Variants in ACOXL observed in about 807,000 individuals in gnomAD.
The protein encoded by ACOXL is acyl-CoA oxidase like, also known as acyl-coenzyme A oxidase-like protein.
ACOXL carries 70 observed loss-of-function variants against 71.9 expected under a neutral mutation model. That is an observed-to-expected ratio of 0.97 (90% CI 0.80 to 1.19). The LOEUF (loss-of-function observed/expected upper bound fraction) is 1.19. ACOXL is among the 50% of genes most tolerant of loss of function. The pLI, the probability that ACOXL is intolerant of heterozygous loss-of-function variation, is 0.00. For missense variants in ACOXL, 703 were observed against 736.3 expected, an observed-to-expected ratio of 0.95 and a Z score of 0.52; for synonymous variants, 253 against 281.6, an observed-to-expected ratio of 0.90 and a Z score of 1.02.
intron 14 of ACOXL, among the ~76,000 whole-genome samples, chr2:111,011,651 G>A (rs988987995): frequency 7.2e-5 from 11 of 152,144 alleles, no homozygotes; most frequent in Non-Finnish European, 1.3e-4. Context: ...GGGAGGCTAA[G>A]GTGGGCAGAT....
At chr2:110,745,050 C>T (rs759367031) in intron 1 of ACOXL, among the ~76,000 whole-genome samples, 11 of 152,208 alleles carry the variant, frequency 7.2e-5, no homozygotes, top group Non-Finnish European at 1.2e-4. Context: ...CAGGTTAATG[C>T]GAGTTGGTTT....
intron 9 of ACOXL, among the ~76,000 whole-genome samples, chr2:110,832,861 T>C (rs1690012932): frequency 1.3e-5 from 2 of 152,192 alleles, no homozygotes; most frequent in Admixed American, 1.3e-4. Flanking sequence ...GAAATGTAAA[T>C]TAAACCTACA....
chr2:110,919,789 C>T (rs1430984278), intron 11 of ACOXL, among the ~76,000 whole-genome samples: 1 of 152,192 alleles, frequency 6.6e-6, no homozygotes, highest in Admixed American at 6.5e-5. Flanking sequence ...TCTAGAATGT[C>T]ATACACACAG....
At chr2:110,775,114 A>G (rs552031680) in intron 2 of ACOXL, among the ~76,000 whole-genome samples, 9 of 152,370 alleles carry the variant, frequency 5.9e-5, no homozygotes, top group South Asian at 2.1e-4. Context: ...CTGGATATCT[A>G]CAAGCCAAGT....
At chr2:110,900,672 A>T (rs763905051) in intron 10 of ACOXL, among the ~76,000 whole-genome samples, 1 of 152,248 alleles carries the variant, frequency 6.6e-6, no homozygotes, top group South Asian at 2.1e-4. Context: ...TACAGGCAGC[A>T]TGAGTCACTA....
At chr2:110,947,626 T>C in intron 12 of ACOXL, among the ~76,000 whole-genome samples, 1 of 152,220 alleles carries the variant, frequency 6.6e-6, no homozygotes, top group Non-Finnish European at 1.5e-5. Flanking sequence ...TCTCCCCCTC[T>C]GCCTCCAGGA....
In ACOXL at chr2:110,794,375, TTGCCTTTGAGGCAATATGG is replaced by T. The variant is rs980497306; in HGVS notation, c.345+215_345+233del. Among the ~76,000 whole-genome samples the T allele has an allele frequency of 5.2e-5, 8 of 152,384 alleles. 1 individual carries two copies. In the South Asian group the frequency reaches 6.2e-4, roughly 12 times the overall value. On this transcript the variant is annotated intron_variant, in intron 5 of 17. Transcript: ENST00000439055. ...CGTGTACCCAACATCAGCCAGCATG[TTGCCTTTGAGGCAATATGG>T]TGCCTTTGAGGCACTGAACACTGCT...
In ACOXL at chr2:110,862,897, A is replaced by G. The variant is rs946489550; in HGVS notation, c.788+21492A>G. 7.9e-5 allele frequency among the ~76,000 whole-genome samples: 12 copies of G among 152,324 alleles called. No individual in the cohort carries two copies. In the East Asian group the frequency reaches 2.3e-3, roughly 29 times the overall value. On this transcript the variant is annotated intron_variant, in intron 10 of 17. Coordinates refer to ENST00000439055, the MANE Select transcript of ACOXL (RefSeq NM_001142807.4). ...GCGGCACCCGGGGCCCTTATCCCAC[A>G]GGCAACCACCACCTAGGGCCCCGCA...
chr2:111,073,562 T>C (rs1389586401), intron 16 of ACOXL, among the ~76,000 whole-genome samples: 4 of 152,144 alleles, frequency 2.6e-5, no homozygotes, highest in Admixed American at 2.6e-4. Flanking sequence ...TGTGAAAAAA[T>C]ATTTGGACAT....
chr2:111,098,891 A>G (rs1473765382), intron 17 of ACOXL: 1 of 152,238 alleles, frequency 6.6e-6, no homozygotes, highest in East Asian at 1.9e-4. Context: ...TTAGAAATGC[A>G]TATATATACT....
At chr2:110,925,131 A>G (rs944301866) in intron 11 of ACOXL, among the ~76,000 whole-genome samples, 4 of 152,220 alleles carry the variant, frequency 2.6e-5, no homozygotes, top group Non-Finnish European at 5.9e-5. Flanking sequence ...CTGTAAACAG[A>G]TGTGCTATCA....
intron 1 of ACOXL, among the ~76,000 whole-genome samples, chr2:110,740,102 C>T (rs1677332232): frequency 6.6e-6 from 1 of 152,168 alleles, no homozygotes; most frequent in African/African-American, 2.4e-5. Context: ...AGGTCATGTT[C>T]AGTTTGTGTT....
At chr2:110,817,931 T>G (rs1688104693) in intron 9 of ACOXL, among the ~76,000 whole-genome samples, 1 of 151,764 alleles carries the variant, frequency 6.6e-6, no homozygotes, top group Non-Finnish European at 1.5e-5. Context: ...GTCCAAGTTT[T>G]GTTTCAATCC....
chr2:110,757,813 C>T (rs1042236434), intron 1 of ACOXL, among the ~76,000 whole-genome samples: 6 of 151,318 alleles, frequency 4.0e-5, no homozygotes, highest in African/African-American at 1.2e-4. Flanking sequence ...TCAGATAGAT[C>T]GATTGCAAGA....
intron 15 of ACOXL, among the ~76,000 whole-genome samples, chr2:111,046,511 A>G (rs779243231): frequency 6.6e-5 from 10 of 152,208 alleles, no homozygotes; most frequent in Admixed American, 1.3e-4. Flanking sequence ...GAAACTTACA[A>G]TCATGGCAGA....
At chr2:110,867,043 C>A (rs1479800487) in intron 10 of ACOXL, among the ~76,000 whole-genome samples, 2 of 152,094 alleles carry the variant, frequency 1.3e-5, no homozygotes, top group African/African-American at 4.8e-5. Flanking sequence ...CTTGGTCTGG[C>A]CTTGAAGGAT....
chr2:110,982,426 C>A (rs2062749649), intron 12 of ACOXL, among the ~76,000 whole-genome samples: 1 of 152,118 alleles, frequency 6.6e-6, no homozygotes, highest in Non-Finnish European at 1.5e-5. Flanking sequence ...CCCTCCTCTT[C>A]CCTCCCTTCT....
At chr2:111,037,134 C>T (rs953525408) in intron 15 of ACOXL, among the ~76,000 whole-genome samples, 7 of 152,100 alleles carry the variant, frequency 4.6e-5, no homozygotes, top group Non-Finnish European at 2.9e-5. Context: ...AGGTTGTGCC[C>T]GTCGGTCTTC....
intron 10 of ACOXL, among the ~76,000 whole-genome samples, chr2:110,891,060 AT>A (rs1697875272): frequency 1.4e-5 from 1 of 72,670 alleles, no homozygotes; most frequent in South Asian, 3.7e-4. Flanking sequence ...TTGCTTTTTA[AT>A]TTTTGGATTG....
Sources: gnomAD v4.1 joint callset for allele counts (sites outside exome capture counted in the v4.1 genomes callset) on GRCh38, gnomAD v4.1.1 for gene constraint, MANE v1.5 for transcripts, NCBI Gene and HGNC (gene_info 2026-07-23, HGNC 2026-07-21) for gene names.